The following CYRIA variants were observed in gnomAD, a reference collection of about 807,000 sequenced individuals.
The protein encoded by CYRIA is CYFIP related Rac1 interactor A.
In CYRIA, 15 loss-of-function variants were observed where a neutral mutation model predicts 43.9. That is an observed-to-expected ratio of 0.34 (90% CI 0.23 to 0.53). The LOEUF is 0.53. Among genes scored for constraint, CYRIA ranks in the 20% least tolerant of loss-of-function variants. CYRIA has a pLI of 0.94. For synonymous variants in CYRIA, 117 were observed against 136.0 expected (o/e 0.86, Z 0.97); for missense variants, 236 against 394.2 (o/e 0.60, Z 3.40).
intron 1 of CYRIA, among the ~76,000 whole-genome samples, chr2:16,651,083 C>G (rs899006302): frequency 4.6e-5 from 7 of 152,158 alleles, no homozygotes; most frequent in African/African-American, 1.4e-4. Context: ...AGCAGCTGAT[C>G]TTTTTACCAG....
Position 16,649,749 on chromosome 2 carries a change from G to A in CYRIA, c.-167+16031C>T, listed in dbSNP as rs146584586. 4.7e-3 allele frequency among the ~76,000 whole-genome samples: 717 copies of A among 152,184 alleles called. 3 individuals carry two copies. Among genetic ancestry groups the A allele is most frequent in the East Asian group, 0.022 (114 of 5,184 alleles). ...GGATGGCTATACAGCACAGGGCACGGTTGTACAGTACAGGGCATGGTTATA... is the reference window on the plus strand; with the variant it reads ...GGATGGCTATACAGCACAGGGCACGATTGTACAGTACAGGGCATGGTTATA... On this transcript the variant is annotated intron_variant, in intron 1 of 11. Transcript: ENST00000381323.
At chr2:16,647,780 C>T (rs186682460) in intron 1 of CYRIA, among the ~76,000 whole-genome samples, 11 of 152,312 alleles carry the variant, frequency 7.2e-5, no homozygotes, top group African/African-American at 2.6e-4. Context: ...CCCCCACAAC[C>T]CCGCAGTTCA....
Position 16,552,717 on chromosome 2 carries a change from A to G in CYRIA, c.*219T>C, listed in dbSNP as rs999490355. 9.1e-5 allele frequency: 44 copies of G among 484,088 alleles called. No individual in the cohort carries two copies. The highest frequency in any genetic ancestry group is 1.5e-4 in the Non-Finnish European group (40 of 273,132). 30.0% of individuals were successfully genotyped at this position (484,088 alleles called of 1,614,324 possible). ...AAGTCTCCGAATTTTGCCTTTGGAGAAGGGGGTTTCATTTCAGACATCAAA... is the reference window on the plus strand; with the variant it reads ...AAGTCTCCGAATTTTGCCTTTGGAGGAGGGGGTTTCATTTCAGACATCAAA... On this transcript the variant is annotated 3_prime_UTR_variant, in exon 12 of 12. Coordinates refer to ENST00000381323, the MANE Select transcript of CYRIA (RefSeq NM_030797.4).
intron 3 of CYRIA, among the ~76,000 whole-genome samples, chr2:16,578,101 T>A (rs555585919): frequency 6.6e-6 from 1 of 152,296 alleles, no homozygotes; most frequent in South Asian, 2.1e-4. Flanking sequence ...CCTGAAGATG[T>A]GACAGGAAAA....
chr2:16,564,424 T>G (rs2103416320), intron 4 of CYRIA, among the ~76,000 whole-genome samples: 2 of 152,324 alleles, frequency 1.3e-5, no homozygotes, highest in South Asian at 4.1e-4. Flanking sequence ...TTCTGCTCAT[T>G]ATAAAGTGCA....
chr2:16,561,647 C>A, intron 6 of CYRIA, 114 bp from the exon 7 acceptor site: 1 of 803,326 alleles, frequency 1.2e-6, no homozygotes, highest in Non-Finnish European at 2.0e-6. Flanking sequence ...CTCTTTGTTA[C>A]ATAAGAGTCA....
At chr2:16,556,547 T>C (rs1410988652) in intron 10 of CYRIA, among the ~76,000 whole-genome samples, 1 of 152,126 alleles carries the variant, frequency 6.6e-6, no homozygotes. Context: ...ATTTAAGCTG[T>C]AGGTATGAAT....
intron 1 of CYRIA, among the ~76,000 whole-genome samples, chr2:16,642,270 T>G (rs2103536453): frequency 6.6e-6 from 1 of 152,254 alleles, no homozygotes; most frequent in South Asian, 2.1e-4. Context: ...AAAACAGAAC[T>G]CTTCCTCTTT....
At chr2:16,635,589 C>T (rs971941) in intron 1 of CYRIA, among the ~76,000 whole-genome samples, 33,813 of 152,118 alleles carry the variant, frequency 0.22, 6,551 homozygotes, top group East Asian at 0.61. Flanking sequence ...CCCACAGTGA[C>T]ACCAGGCAGA....
rs1444790134 is a variant in CYRIA at position 16,663,210 on chromosome 2, G to C, written c.-167+2570C>G. Among the ~76,000 whole-genome samples, 5 of 152,166 alleles carry C rather than the reference G, an allele frequency of 3.3e-5. No homozygotes were observed. In the East Asian group the frequency reaches 9.6e-4, roughly 29 times the overall value. On this transcript the variant is annotated intron_variant, in intron 1 of 11. Transcript: ENST00000381323. ...AAAGTGTTCAAAGCATTCCCGGTAG[G>C]CTATTCTATGCCATCCTAAAAGAAC... is the stretch of plus-strand genomic sequence containing the variant.
At chr2:16,642,642 C>A (rs1669708161) in intron 1 of CYRIA, among the ~76,000 whole-genome samples, 1 of 150,692 alleles carries the variant, frequency 6.6e-6, no homozygotes, top group Non-Finnish European at 1.5e-5. Context: ...CAGGGTGGAC[C>A]CCCAGGACCT....
rs6726839 is a variant in CYRIA at position 16,650,641 on chromosome 2, T to C, written c.-167+15139A>G. 0.087 allele frequency among the ~76,000 whole-genome samples: 13,227 copies of C among 152,202 alleles called. 1,379 individuals carry two copies. Among genetic ancestry groups the C allele is most frequent in the African/African-American group, 0.25 (10,199 of 41,468 alleles). ...GAGACTGGATGCTCCTCTCTGGCCA[T>C]GGAAAGGCCTTCTGAGCTCAACAGA... On this transcript the variant is annotated intron_variant, in intron 1 of 11. Coordinates refer to ENST00000381323, the MANE Select transcript of CYRIA (RefSeq NM_030797.4). This position sits in a 1 kb window ranked among gnomAD's most constrained non-coding sequence, Gnocchi z 4.1.
intron 1 of CYRIA, among the ~76,000 whole-genome samples, chr2:16,658,231 G>T (rs1236720621): frequency 6.6e-6 from 1 of 152,126 alleles, no homozygotes; most frequent in Non-Finnish European, 1.5e-5. Context: ...GTCTAGAGGG[G>T]TTGACTATGT....
In CYRIA at chr2:16,619,636, A is replaced by G. The variant is rs976098065; in HGVS notation, c.-11+4228T>C. ...TTGGTCCCCTTACCCTATTCTGCTC[A>G]CTAACACCTCCATAGGGTCAGAGAA... On this transcript the variant is annotated intron_variant, in intron 2 of 11. Coordinates refer to ENST00000381323, the MANE Select transcript of CYRIA (RefSeq NM_030797.4). 4.6e-5 allele frequency among the ~76,000 whole-genome samples: 7 copies of G among 152,178 alleles called. 1 individual carries two copies. Among genetic ancestry groups the G allele is most frequent in the Admixed American group, 4.6e-4 (7 of 15,288 alleles).
intron 1 of CYRIA, among the ~76,000 whole-genome samples, chr2:16,633,875 C>T (rs1194703427): frequency 1.3e-5 from 2 of 152,168 alleles, no homozygotes; most frequent in Non-Finnish European, 2.9e-5. Context: ...TGCTCCTACC[C>T]TTCCCCTGGG....
At chr2:16,644,008 T>A (rs1669749201) in intron 1 of CYRIA, among the ~76,000 whole-genome samples, 1 of 152,178 alleles carries the variant, frequency 6.6e-6, no homozygotes, top group South Asian at 2.1e-4. Context: ...TAAAGGCCAC[T>A]CCTCAACTCT....
chr2:16,571,824 G>T (rs1298466982), intron 3 of CYRIA, among the ~76,000 whole-genome samples: 1 of 151,982 alleles, frequency 6.6e-6, no homozygotes, highest in Non-Finnish European at 1.5e-5. Flanking sequence ...TCCCCTTCAG[G>T]CTAAACTAAG....
intron 11 of CYRIA, among the ~76,000 whole-genome samples, chr2:16,553,683 T>C (rs1666398456): frequency 6.6e-6 from 1 of 152,126 alleles, no homozygotes. Context: ...GATCACAAGG[T>C]TACTGAATTG....
chr2:16,606,353 G>A (rs188738849), intron 2 of CYRIA, among the ~76,000 whole-genome samples: 16 of 151,154 alleles, frequency 1.1e-4, no homozygotes, highest in Admixed American at 4.0e-4. Context: ...TCCTCTTCCC[G>A]ATGCCCTTCT....
Sources: allele counts gnomAD v4.1 joint callset (sites outside exome capture counted in the v4.1 genomes callset), GRCh38; gene constraint gnomAD v4.1.1; non-coding constraint Gnocchi (gnomAD v3.1); transcripts MANE v1.5; gene names NCBI Gene and HGNC (gene_info 2026-07-23, HGNC 2026-07-21).